The following CNOT1 variants were observed in gnomAD, a reference collection of about 807,000 sequenced individuals.
CNOT1 encodes the protein CCR4-NOT transcription complex subunit 1.
CNOT1 carries 15 observed loss-of-function variants against 273.8 expected under a neutral mutation model. The observed-to-expected ratio is 0.05, with a 90% CI of 0.04 to 0.08. The LOEUF (loss-of-function observed/expected upper bound fraction) is 0.08. Among genes scored for constraint, CNOT1 ranks in the 10% least tolerant of loss-of-function variants. CNOT1 has a pLI of 1.00. For missense variants in CNOT1, 1,644 were observed against 2,912.2 expected, an observed-to-expected ratio of 0.56 and a Z score of 10.02; for synonymous variants, 1,022 against 1,005.5, an observed-to-expected ratio of 1.02 and a Z score of -0.31.
chr16:58,597,831 GC>G, intron 2 of CNOT1: 1 of 410,854 alleles, frequency 2.4e-6, no homozygotes, highest in South Asian at 2.0e-5. Flanking sequence ...AAGCAGTCGA[GC>G]CCCAGGACCA....
intron 1 of CNOT1, among the ~76,000 whole-genome samples, chr16:58,628,293 T>C (rs2043669358): frequency 6.6e-6 from 1 of 152,196 alleles, no homozygotes; most frequent in Admixed American, 6.6e-5. Flanking sequence ...AGGTAACAAT[T>C]TGCAGTATCC....
chr16:58,578,459 AAAAAAAAAAGG>A (rs2041542764), intron 13 of CNOT1, among the ~76,000 whole-genome samples: 1 of 151,756 alleles, frequency 6.6e-6, no homozygotes, highest in African/African-American at 2.4e-5. Context: ...TCTCAAAAAA[AAAAAAAAAAGG>A]AAAGAAAATA....
chr16:58,570,464 C>T (rs911969550), intron 16 of CNOT1, among the ~76,000 whole-genome samples: 6 of 152,090 alleles, frequency 3.9e-5, no homozygotes, highest in African/African-American at 1.2e-4. Flanking sequence ...ATACTGAGAA[C>T]CTCAACTTTA....
At chr16:58,556,742 G>C in intron 19 of CNOT1, 105 bp downstream of exon 19, 2 of 1,475,788 alleles carry the variant, frequency 1.4e-6, no homozygotes, top group Non-Finnish European at 1.8e-6. Context: ...ATTCCCATTG[G>C]TCTAGGAGGC....
At chr16:58,609,265 G>A (rs1266820676) in intron 1 of CNOT1, among the ~76,000 whole-genome samples, 1 of 152,046 alleles carries the variant, frequency 6.6e-6, no homozygotes, top group African/African-American at 2.4e-5. Flanking sequence ...CCAGCTACTT[G>A]GGAGGCTGAG....
intron 1 of CNOT1, among the ~76,000 whole-genome samples, chr16:58,618,184 G>A (rs951106712): frequency 1.3e-5 from 2 of 151,942 alleles, no homozygotes; most frequent in Non-Finnish European, 2.9e-5. Context: ...TGCAATCCCA[G>A]CCAGCTACTC....
intron 11 of CNOT1, 41 bp from the exon 12 acceptor site, chr16:58,580,801 A>C (rs1197655951): frequency 6.4e-7 from 1 of 1,562,294 alleles, no homozygotes. Flanking sequence ...AATGATTGTG[A>C]ATGCTATAAA....
At chr16:58,563,099 G>A (rs1421595494) in intron 16 of CNOT1, among the ~76,000 whole-genome samples, 4 of 151,824 alleles carry the variant, frequency 2.6e-5, no homozygotes, top group African/African-American at 9.7e-5. Flanking sequence ...TGAAATAAAC[G>A]CGTTGTTTTA....
chr16:58,529,840 CAAAAAAAAAAAAAA>C (rs58854069), intron 43 of CNOT1, among the ~76,000 whole-genome samples: 2 of 69,368 alleles, frequency 2.9e-5, no homozygotes, highest in African/African-American at 5.1e-5. Context: ...GACTCTGTCT[CAAAAAAAAAAAAAA>C]AAAAAAAAAA....
intron 14 of CNOT1, among the ~76,000 whole-genome samples, chr16:58,575,528 G>A (rs2151966204): frequency 6.6e-6 from 1 of 152,298 alleles, no homozygotes; most frequent in South Asian, 2.1e-4. Flanking sequence ...GCTGTACGTG[G>A]TGGCTCACGA....
chr16:58,537,199 T>C lies in CNOT1; in HGVS notation c.5436A>G (p.Val1812=). 6.2e-7 allele frequency: 1 copy of C among 1,606,528 alleles called. No individual in the cohort carries two copies. Among genetic ancestry groups the C allele is most frequent in the Non-Finnish European group, 8.5e-7 (1 of 1,175,448 alleles). The change falls in exon 39 of 49, where the codon GTA becomes GTG. Residue 1812 remains valine (V), a synonymous_variant. Transcript: ENST00000317147. The part of the protein sequence containing the change: ...APEGLPQLME[V]VRSNYEAMID... ...TCATTGCTTCATAGTTGGATCGCAC[T>C]ACTTCCATCAGCTGGGGCAATCTAG...
intron 1 of CNOT1, among the ~76,000 whole-genome samples, chr16:58,616,034 T>C (rs1199544693): frequency 8.1e-6 from 1 of 123,900 alleles, no homozygotes; most frequent in East Asian, 1.9e-4. Flanking sequence ...ATCAGGCCAT[T>C]GTCCTGCAGC....
intron 2 of CNOT1, among the ~76,000 whole-genome samples, chr16:58,594,203 C>T (rs2151997727): frequency 6.6e-6 from 1 of 152,088 alleles, no homozygotes; most frequent in Middle Eastern, 3.4e-3. Flanking sequence ...GAGATCATGC[C>T]ACTGTACTCC....
intron 31 of CNOT1, 109 bp downstream of exon 31, chr16:58,543,487 AATATGGTGATT>A: frequency 2.0e-6 from 3 of 1,536,582 alleles, no homozygotes; most frequent in Non-Finnish European, 1.8e-6. Context: ...ACATCAAACA[AATATGGTGATT>A]ATTAAGAATA....
intron 1 of CNOT1, among the ~76,000 whole-genome samples, chr16:58,609,991 C>T (rs899155431): frequency 6.6e-6 from 1 of 152,136 alleles, no homozygotes; most frequent in African/African-American, 2.4e-5. Flanking sequence ...GTACTCACTT[C>T]AGGTATTATA....
intron 2 of CNOT1, among the ~76,000 whole-genome samples, chr16:58,594,310 G>A (rs947763727): frequency 5.9e-5 from 9 of 152,140 alleles, no homozygotes; most frequent in East Asian, 1.9e-4. Flanking sequence ...CATACAGTAC[G>A]ATTCCATTAA....
chr16:58,555,765 G>C lies in CNOT1; in HGVS notation c.2604+19C>G, dbSNP rs2040610714. ...GACTGGCCTAAACAATAAATAAGTA[G>C]ATCATCCTAGACACTCACCTCATCA... On this transcript the variant is annotated intron_variant, in intron 20 of 48. Coordinates refer to ENST00000317147, the MANE Select transcript of CNOT1 (RefSeq NM_016284.5). 4 of 1,613,050 alleles carry C rather than the reference G, an allele frequency of 2.5e-6. No individual in the cohort carries two copies. Among genetic ancestry groups the C allele is most frequent in the Non-Finnish European group, 3.4e-6 (4 of 1,179,874 alleles).
intron 19 of CNOT1, among the ~76,000 whole-genome samples, chr16:58,556,547 C>G (rs2040638336): frequency 6.6e-6 from 1 of 152,054 alleles, no homozygotes; most frequent in Non-Finnish European, 1.5e-5. Context: ...AAAAAAAACT[C>G]AACACATGTT....
chr16:58,617,882 G>A (rs991896959), intron 1 of CNOT1, among the ~76,000 whole-genome samples: 1 of 152,180 alleles, frequency 6.6e-6, no homozygotes, highest in Admixed American at 6.6e-5. Flanking sequence ...GGCACTGTGT[G>A]CCTATAGTCT....
Sources: gnomAD v4.1 joint callset for allele counts (sites outside exome capture counted in the v4.1 genomes callset) on GRCh38, gnomAD v4.1.1 for gene constraint, MANE v1.5 for transcripts, NCBI Gene and HGNC (gene_info 2026-07-23, HGNC 2026-07-21) for gene names.